PTPRT: variants seen among roughly 807,000 people sequenced by gnomAD.
The protein encoded by PTPRT is receptor-type tyrosine-protein phosphatase T.
A neutral mutation model predicts 176.8 loss-of-function variants in PTPRT; 56 were observed. The observed-to-expected ratio is 0.32, with a 90% CI of 0.26 to 0.40. The LOEUF (loss-of-function observed/expected upper bound fraction) is 0.40. PTPRT is among the 10% of genes least tolerant of loss of function. The pLI, the probability that PTPRT is intolerant of heterozygous loss-of-function variation, is 1.00. For missense variants in PTPRT, 1,540 were observed against 1,908.2 expected, an observed-to-expected ratio of 0.81 and a Z score of 3.60; for synonymous variants, 783 against 739.0, an observed-to-expected ratio of 1.06 and a Z score of -0.96.
chr20:42,977,849 AC>A (rs1389410793), intron 1 of PTPRT, among the ~76,000 whole-genome samples: 10 of 152,218 alleles, frequency 6.6e-5, no homozygotes, highest in Admixed American at 1.3e-4. Context: ...CTTTTATATT[AC>A]CTTTTATGTG....
intron 7 of PTPRT, among the ~76,000 whole-genome samples, chr20:42,600,120 T>TTTG (rs886288597): frequency 6.6e-6 from 1 of 151,806 alleles, no homozygotes; most frequent in Non-Finnish European, 1.5e-5. Context: ...TATTTTGGTT[T>TTTG]TTGTTGTTGT....
chr20:42,202,428 G>T (rs2146690688), intron 15 of PTPRT, among the ~76,000 whole-genome samples: 1 of 152,238 alleles, frequency 6.6e-6, no homozygotes, highest in South Asian at 2.1e-4. Flanking sequence ...TTGGCCACAG[G>T]CACACTGTTC....
In PTPRT at chr20:43,189,395, C is replaced by T. The variant is rs2015479144; in HGVS notation, c.88+251G>A. 6.6e-6 allele frequency among the ~76,000 whole-genome samples: 1 copy of T among 152,192 alleles called. No individual in the cohort carries two copies. The highest frequency in any genetic ancestry group is 2.1e-4 in the South Asian group (1 of 4,830). On this transcript the variant is annotated intron_variant, in intron 1 of 30. Coordinates refer to ENST00000373187, the MANE Select transcript of PTPRT (RefSeq NM_007050.6). This position sits in a 1 kb window ranked among gnomAD's most constrained non-coding sequence, Gnocchi z 5.0. Reference sequence around the variant, plus strand: ...CGGAAAGTTACTCCAGCCCGGGGGGCCGGCAGGAAACTGAAGCGGGGAACT... The same window carrying T: ...CGGAAAGTTACTCCAGCCCGGGGGGTCGGCAGGAAACTGAAGCGGGGAACT...
chr20:42,546,244 GGAA>G lies in PTPRT; in HGVS notation c.1154-73685_1154-73683del, dbSNP rs2072671305. ...AGAGACTCCAGCGCAGCCACGTGGTGGAAGAAGATTTATACACAAAAAAGGGGG... is the reference window on the plus strand; with the variant it reads ...AGAGACTCCAGCGCAGCCACGTGGTGGAAGATTTATACACAAAAAAGGGGG... On this transcript the variant is annotated intron_variant, in intron 7 of 30. Transcript: ENST00000373187. 5.3e-5 allele frequency among the ~76,000 whole-genome samples: 8 copies of G among 152,222 alleles called. No individual in the cohort carries two copies. In the South Asian group the frequency reaches 1.5e-3, roughly 28 times the overall value.
intron 3 of PTPRT, among the ~76,000 whole-genome samples, chr20:42,789,418 G>T (rs1459866147): frequency 6.6e-6 from 1 of 152,090 alleles, no homozygotes; most frequent in Non-Finnish European, 1.5e-5. Flanking sequence ...AAACAAAACG[G>T]GTAAAAAACA....
chr20:42,416,338 C>T (rs1010903453), intron 9 of PTPRT, among the ~76,000 whole-genome samples: 3 of 152,158 alleles, frequency 2.0e-5, no homozygotes, highest in African/African-American at 7.2e-5. Context: ...ATCAAGCCCG[C>T]AAACACCTTG....
chr20:42,099,546 C>CCGGGGGGG (rs1985675342), intron 26 of PTPRT, among the ~76,000 whole-genome samples: 2 of 28,914 alleles, frequency 6.9e-5, no homozygotes, highest in African/African-American at 1.3e-4. Flanking sequence ...ATGGCCTGGG[C>CCGGGGGGG]GGGGGGGGGG....
chr20:42,659,271 T>C (rs2075180845), intron 7 of PTPRT, among the ~76,000 whole-genome samples: 1 of 152,172 alleles, frequency 6.6e-6, no homozygotes, highest in East Asian at 1.9e-4. Flanking sequence ...CTCATCCCCA[T>C]AGGGCCTGGT....
intron 7 of PTPRT, among the ~76,000 whole-genome samples, chr20:42,648,541 C>T (rs1242636834): frequency 6.6e-6 from 1 of 152,096 alleles, no homozygotes; most frequent in Non-Finnish European, 1.5e-5. Context: ...TTGCCCTAGG[C>T]CCCCGAATGT....
intron 7 of PTPRT, among the ~76,000 whole-genome samples, chr20:42,672,678 G>T (rs2075433818): frequency 1.3e-5 from 2 of 152,268 alleles, no homozygotes; most frequent in South Asian, 4.2e-4. Context: ...CTGGGATGCT[G>T]CGCTACAGGC....
At chr20:42,874,196 G>T (rs565919511) in intron 2 of PTPRT, among the ~76,000 whole-genome samples, 5 of 152,184 alleles carry the variant, frequency 3.3e-5, no homozygotes, top group Admixed American at 2.0e-4. Context: ...AGTTGAAGCA[G>T]CAGGAAACAG....
chr20:43,061,364 T>C (rs1017536259), intron 1 of PTPRT, among the ~76,000 whole-genome samples: 1 of 152,238 alleles, frequency 6.6e-6, no homozygotes, highest in Admixed American at 6.5e-5. Flanking sequence ...ATCTGCCCAC[T>C]GCCTCCTTAT....
At chr20:42,612,395 T>G (rs1176202579) in intron 7 of PTPRT, among the ~76,000 whole-genome samples, 1 of 152,150 alleles carries the variant, frequency 6.6e-6, no homozygotes, top group East Asian at 1.9e-4. Flanking sequence ...CCCAACCCCT[T>G]CTGTGAGTCA....
chr20:42,978,635 G>C (rs1983096801), intron 1 of PTPRT, among the ~76,000 whole-genome samples: 1 of 152,102 alleles, frequency 6.6e-6, no homozygotes, highest in Non-Finnish European at 1.5e-5. Context: ...GATGAGATAG[G>C]AGGTCGGCAC....
chr20:43,100,187 C>A (rs1242396606), intron 1 of PTPRT, among the ~76,000 whole-genome samples: 1 of 152,066 alleles, frequency 6.6e-6, no homozygotes, highest in African/African-American at 2.4e-5. Context: ...ACAAGCCTGG[C>A]CAACCAGGGT....
the PTPRT span, among the ~76,000 whole-genome samples, chr20:42,047,711 G>A: frequency 2.0e-5 from 3 of 152,182 alleles, no homozygotes; most frequent in Non-Finnish European, 4.4e-5. Flanking sequence ...GTGACTAAGC[G>A]GCTATGCTTG....
rs867684631 is a variant in PTPRT, at chr20:43,023,592, C to G, written c.89-137660G>C. 2.6e-5 allele frequency among the ~76,000 whole-genome samples: 4 copies of G among 152,320 alleles called. No homozygotes were observed. In the Middle Eastern group the frequency reaches 0.01, roughly 389 times the overall value. On this transcript the variant is annotated intron_variant, in intron 1 of 30. Coordinates refer to ENST00000373187, the MANE Select transcript of PTPRT (RefSeq NM_007050.6). Reference sequence around the variant, plus strand: ...CTGAGGCCGGCTGGTTACTTGGCATCTCCTCACACTAATGTTCCTTAAATA... The same window carrying G: ...CTGAGGCCGGCTGGTTACTTGGCATGTCCTCACACTAATGTTCCTTAAATA...
At chr20:42,335,570 G>GA (rs552462332) in intron 11 of PTPRT, among the ~76,000 whole-genome samples, 3 of 151,854 alleles carry the variant, frequency 2.0e-5, no homozygotes, top group South Asian at 2.1e-4. Flanking sequence ...AATGTTATAA[G>GA]AAAAAAAATT....
chr20:42,160,343 G>A (rs1468596993), intron 17 of PTPRT, among the ~76,000 whole-genome samples: 1 of 152,208 alleles, frequency 6.6e-6, no homozygotes, highest in Non-Finnish European at 1.5e-5. Flanking sequence ...TATTCTTGGA[G>A]AGTGAGCTGC....
Sources: gnomAD v4.1 joint callset for allele counts (sites outside exome capture counted in the v4.1 genomes callset) on GRCh38, gnomAD v4.1.1 for gene constraint, Gnocchi (gnomAD v3.1) non-coding constraint, MANE v1.5 for transcripts, NCBI Gene and HGNC (gene_info 2026-07-23, HGNC 2026-07-21) for gene names.